The following SDK1 variants were observed in gnomAD, a reference collection of about 807,000 sequenced individuals.
SDK1 encodes sidekick cell adhesion molecule 1.
SDK1 carries 157 observed loss-of-function variants against 245.5 expected under a neutral mutation model. The ratio of observed to expected loss-of-function variants is 0.64; its 90% CI spans 0.56 to 0.73. The LOEUF is 0.73. Among genes scored for constraint, SDK1 ranks in the 30% least tolerant of loss-of-function variants. The pLI is 0.00. For missense variants in SDK1, 3,583 were observed against 3,002.3 expected, an observed-to-expected ratio of 1.19 and a Z score of -4.52; for synonymous variants, 1,647 against 1,278.5, an observed-to-expected ratio of 1.29 and a Z score of -6.15.
chr7:3,346,028 T>C (rs947828689), intron 1 of SDK1, among the ~76,000 whole-genome samples: 3 of 152,212 alleles, frequency 2.0e-5, no homozygotes, highest in Non-Finnish European at 4.4e-5. Context: ...CTGGCACTTG[T>C]ACTCCTGGAT....
intron 37 of SDK1, among the ~76,000 whole-genome samples, chr7:4,209,622 C>T (rs901225662): frequency 3.9e-5 from 6 of 152,134 alleles, no homozygotes; most frequent in African/African-American, 1.4e-4. Flanking sequence ...GAGGAGGGGT[C>T]AAGAGAGGCT....
chr7:3,452,331 C>G (rs568503232), intron 1 of SDK1, among the ~76,000 whole-genome samples: 1 of 152,254 alleles, frequency 6.6e-6, no homozygotes, highest in Admixed American at 6.5e-5. Context: ...CTTTCTGCCA[C>G]TCTTTGGAAG....
chr7:3,766,813 AC>A lies in SDK1; in HGVS notation c.714-54636del, dbSNP rs796830274. On this transcript the variant is annotated intron_variant, in intron 4 of 44. Coordinates refer to ENST00000404826, the MANE Select transcript of SDK1 (RefSeq NM_152744.4). ...CTTAGCAGTCAACAAGTATATATGG[AC>A]TATTAGATGTGGATACTTTGGAATT... Among the ~76,000 whole-genome samples the A allele has an allele frequency of 2.3e-3, 345 of 152,296 alleles. 2 individuals carry two copies. The highest frequency in any genetic ancestry group is 7.6e-3 in the African/African-American group (315 of 41,568).
intron 4 of SDK1, among the ~76,000 whole-genome samples, chr7:3,645,446 C>T (rs1251381673): frequency 6.6e-6 from 1 of 152,168 alleles, no homozygotes. Flanking sequence ...TTACATAAAT[C>T]AGTATGGATA....
At chr7:3,440,530 C>T (rs1014032009) in intron 1 of SDK1, among the ~76,000 whole-genome samples, 2 of 152,132 alleles carry the variant, frequency 1.3e-5, no homozygotes, top group South Asian at 4.1e-4. Flanking sequence ...ATCAGATCAA[C>T]TGTTGCAGTA....
intron 1 of SDK1, among the ~76,000 whole-genome samples, chr7:3,447,935 C>G (rs908178618): frequency 6.6e-5 from 10 of 151,558 alleles, no homozygotes; most frequent in Admixed American, 3.3e-4. Flanking sequence ...AATTCCCGAG[C>G]TCAGGTGATC....
chr7:4,097,940 C>T (rs745644538), intron 22 of SDK1, among the ~76,000 whole-genome samples: 6 of 151,926 alleles, frequency 3.9e-5, no homozygotes, highest in Non-Finnish European at 7.4e-5. Flanking sequence ...GTAAATTTGC[C>T]GAAACGGGCC....
At chr7:4,217,429 GCCACTCGGAGAACCACA>G (rs1784879829) in intron 38 of SDK1, among the ~76,000 whole-genome samples, 7 of 117,238 alleles carry the variant, frequency 6.0e-5, no homozygotes, top group Admixed American at 1.8e-4. Context: ...GGAGCACCAG[GCCACTCGGAGAACCACA>G]CCACCCGGAG....
At chr7:3,929,203 C>T (rs905021794) in intron 5 of SDK1, among the ~76,000 whole-genome samples, 3 of 152,222 alleles carry the variant, frequency 2.0e-5, no homozygotes, top group South Asian at 4.1e-4. Flanking sequence ...CTCTTACCAT[C>T]CTTAACAGCA....
intron 22 of SDK1, among the ~76,000 whole-genome samples, chr7:4,087,833 C>G (rs911444580): frequency 1.3e-5 from 2 of 152,284 alleles, no homozygotes; most frequent in African/African-American, 4.8e-5. Context: ...GAATTTCCAT[C>G]TGGAGAATGG....
chr7:3,591,820 A>G (rs367981084), intron 1 of SDK1, among the ~76,000 whole-genome samples: 17 of 152,332 alleles, frequency 1.1e-4, no homozygotes, highest in Admixed American at 5.2e-4. Context: ...AATTTATCCA[A>G]TGGGAGGCAA....
At chr7:3,769,992 C>G (rs1271356008) in intron 4 of SDK1, among the ~76,000 whole-genome samples, 1 of 150,604 alleles carries the variant, frequency 6.6e-6, no homozygotes, top group African/African-American at 2.4e-5. Flanking sequence ...GTAATTTTAC[C>G]ACATGTGTAA....
At position 3,537,163 on chromosome 7, in the gene SDK1, C is replaced by G. The variant is rs563067689; in HGVS notation, c.299-81917C>G. On this transcript the variant is annotated intron_variant, in intron 1 of 44. Transcript: ENST00000404826. ...TCCCTCTTCGCAGACAGCTACCGAT[C>G]TGATACCTATCATCATGGATTAGTG... Among the ~76,000 whole-genome samples, 8 of 152,298 alleles carry G rather than the reference C, an allele frequency of 5.3e-5. No homozygotes were observed. The East Asian group carries it at 7.7e-4, about 15-fold the overall frequency.
chr7:4,061,514 A>G (rs1424306308), intron 19 of SDK1, among the ~76,000 whole-genome samples: 9 of 152,128 alleles, frequency 5.9e-5, no homozygotes, highest in Middle Eastern at 6.8e-3. Flanking sequence ...AGAAATAGGA[A>G]CACTTTTACA....
At chr7:4,187,568 A>G (rs1782966117) in intron 35 of SDK1, among the ~76,000 whole-genome samples, 1 of 152,162 alleles carries the variant, frequency 6.6e-6, no homozygotes, top group South Asian at 2.1e-4. Context: ...ATTTTCCTAG[A>G]TGGGCTTTTA....
chr7:3,666,698 A>G lies in SDK1; in HGVS notation c.713+24593A>G, dbSNP rs879341323. 1.2e-3 allele frequency among the ~76,000 whole-genome samples: 175 copies of G among 151,762 alleles called. 1 individual carries two copies. The highest frequency in any genetic ancestry group is 4.2e-3 in the African/African-American group (172 of 41,386). On this transcript the variant is annotated intron_variant, in intron 4 of 44. Coordinates refer to ENST00000404826, the MANE Select transcript of SDK1 (RefSeq NM_152744.4). ...TTTGTTTGAATAAATTAATTGTTTTATGCCTAATATTAATTTTCTTTTCAT... is the reference window on the plus strand; with the variant it reads ...TTTGTTTGAATAAATTAATTGTTTTGTGCCTAATATTAATTTTCTTTTCAT...
Position 3,357,328 on chromosome 7 carries a change from GTTTTTTTTTTTTTTTTTTTTTTT to G in SDK1, c.298+55461_298+55483del, listed in dbSNP as rs560124026. On this transcript the variant is annotated intron_variant, in intron 1 of 44. Transcript: ENST00000404826. ...TTACTCTTGCTCCCCTTCTTTTAGTGTTTTTTTTTTTTTTTTTTTTTTTTTTTTTTTTTTTTTTTGAGGCAGGG... is the reference window on the plus strand; with the variant it reads ...TTACTCTTGCTCCCCTTCTTTTAGTGTTTTTTTTTTTTTTTTGAGGCAGGG... Among the ~76,000 whole-genome samples the G allele has an allele frequency of 1.2e-3, 66 of 52,948 alleles. 2 individuals are homozygous for G. Among genetic ancestry groups the G allele is most frequent in the South Asian group, 5.9e-3 (8 of 1,366 alleles). 34.7% of individuals were successfully genotyped at this position (52,948 alleles called of 152,430 possible). A position where few individuals can be genotyped will look rare whatever the true frequency, so the allele number is the denominator to read the frequency against.
intron 1 of SDK1, among the ~76,000 whole-genome samples, chr7:3,612,562 A>G (rs908647938): frequency 5.3e-5 from 8 of 152,234 alleles, no homozygotes; most frequent in Non-Finnish European, 1.2e-4. Context: ...CACAAATGAT[A>G]CATTCTGCCC....
chr7:4,063,408 C>G (rs1779668127), intron 19 of SDK1, among the ~76,000 whole-genome samples: 1 of 151,908 alleles, frequency 6.6e-6, no homozygotes, highest in Admixed American at 6.6e-5. Context: ...TGAAAGATCT[C>G]TACAAAGAAA....
Sources: allele counts gnomAD v4.1 joint callset (sites outside exome capture counted in the v4.1 genomes callset), GRCh38; gene constraint gnomAD v4.1.1; transcripts MANE v1.5; gene names NCBI Gene and HGNC (gene_info 2026-07-23, HGNC 2026-07-21).